SH3BGRL2: variants seen among roughly 807,000 people sequenced by gnomAD.
The protein encoded by SH3BGRL2 is SH3 domain-binding glutamic acid-rich-like protein 2.
Under a neutral mutation model 14.8 loss-of-function variants are expected in SH3BGRL2, and 21 were observed. That is an observed-to-expected ratio of 1.42 (90% CI 1.01 to 2.05). SH3BGRL2 has a LOEUF of 2.05. Ranked by LOEUF, SH3BGRL2 falls within the 30% of genes most tolerant of loss-of-function variation. The pLI is 0.00. For synonymous variants in SH3BGRL2, 50 were observed against 47.8 expected (o/e 1.05, Z -0.19); for missense variants, 147 against 130.8 (o/e 1.12, Z -0.61).
chr6:79,676,064 T>C (rs138516917), intron 2 of SH3BGRL2, among the ~76,000 whole-genome samples: 4 of 152,268 alleles, frequency 2.6e-5, no homozygotes, highest in Admixed American at 1.3e-4. Context: ...GTAGTATCTG[T>C]AGGTCTTTTC....
chr6:79,676,639 GTATATATA>G (rs370591320), intron 2 of SH3BGRL2, among the ~76,000 whole-genome samples: 33 of 137,684 alleles, frequency 2.4e-4, no homozygotes, highest in Admixed American at 3.6e-4. Context: ...GTGTGTGTGT[GTATATATA>G]TATAATCTTT....
At position 79,699,463 on chromosome 6, in the gene SH3BGRL2, C is replaced by CTTT. The variant is rs35728679; in HGVS notation, c.313-7_313-5dup. The CTTT allele has an allele frequency of 3.7e-3, 3,241 of 879,068 alleles. 33 individuals are homozygous for CTTT. Among genetic ancestry groups the CTTT allele is most frequent in the Admixed American group, 8.2e-3 (192 of 23,314 alleles). The allele number at this position is 879,068 out of a possible 1,614,324, so 54.5% of individuals were successfully genotyped here. A position where few individuals can be genotyped will look rare whatever the true frequency, so the allele number is the denominator to read the frequency against. ...CTTGTCGATGTAATGCAATAACTGA[C>CTTT]TTTTTTTTTTTTTTTTTTTTTTTTT... On this transcript the variant is annotated intron_variant, in intron 3 of 3. Coordinates refer to ENST00000369838, the MANE Select transcript of SH3BGRL2 (RefSeq NM_031469.4).
At chr6:79,577,421 G>A in the SH3BGRL2 span, among the ~76,000 whole-genome samples, 1 of 152,038 alleles carries the variant, frequency 6.6e-6, no homozygotes, top group Non-Finnish European at 1.5e-5. Flanking sequence ...TGTATATTAA[G>A]ATATATAGCC....
chr6:79,561,802 A>G, the SH3BGRL2 span, among the ~76,000 whole-genome samples: 2 of 152,142 alleles, frequency 1.3e-5, no homozygotes, highest in Non-Finnish European at 2.9e-5. Context: ...ACCTATGGAA[A>G]CTTCACTCAA....
At chr6:79,633,261 C>T (rs1016327163) in intron 1 of SH3BGRL2, among the ~76,000 whole-genome samples, 1 of 152,112 alleles carries the variant, frequency 6.6e-6, no homozygotes, top group African/African-American at 2.4e-5. Flanking sequence ...CTCATCTCTG[C>T]CTGAGTTTCT....
the SH3BGRL2 span, among the ~76,000 whole-genome samples, chr6:79,566,720 C>T: frequency 1.5e-4 from 23 of 151,682 alleles, no homozygotes; most frequent in African/African-American, 1.5e-4. Flanking sequence ...ACTTTGGGGA[C>T]GCCTGATCAA....
chr6:79,563,013 T>C, the SH3BGRL2 span, among the ~76,000 whole-genome samples: 1 of 152,212 alleles, frequency 6.6e-6, no homozygotes, highest in Non-Finnish European at 1.5e-5. Flanking sequence ...TGGAGTGCAG[T>C]AGCGCCATCT....
chr6:79,644,885 C>T (rs1306490177), intron 1 of SH3BGRL2, among the ~76,000 whole-genome samples: 4 of 151,296 alleles, frequency 2.6e-5, no homozygotes, highest in Admixed American at 6.6e-5. Flanking sequence ...GTTGGCCGGG[C>T]GCGGTGGCTC....
At chr6:79,664,278 G>C (rs1405354793) in intron 1 of SH3BGRL2, among the ~76,000 whole-genome samples, 2 of 152,206 alleles carry the variant, frequency 1.3e-5, no homozygotes, top group Non-Finnish European at 2.9e-5. Context: ...GACTGGAGCT[G>C]TTCCTATTCA....
chr6:79,570,730 C>T, the SH3BGRL2 span, among the ~76,000 whole-genome samples: 1 of 152,210 alleles, frequency 6.6e-6, no homozygotes, highest in Non-Finnish European at 1.5e-5. Context: ...TAACCACCTC[C>T]TTGCCTGGCA....
chr6:79,660,649 C>G (rs1769525491), intron 1 of SH3BGRL2, among the ~76,000 whole-genome samples: 2 of 152,114 alleles, frequency 1.3e-5, no homozygotes, highest in African/African-American at 4.8e-5. Context: ...TGATGCTGGC[C>G]TCATAAAATG....
the SH3BGRL2 span, among the ~76,000 whole-genome samples, chr6:79,565,941 T>C: frequency 5.9e-5 from 9 of 152,226 alleles, no homozygotes; most frequent in Non-Finnish European, 1.3e-4. Context: ...TTACTGGTGC[T>C]TTTTCCTGCT....
chr6:79,625,247 T>TAC, the SH3BGRL2 span, among the ~76,000 whole-genome samples: 1,834 of 150,374 alleles, frequency 0.012, 19 homozygotes, highest in Middle Eastern at 0.024. Flanking sequence ...CATATATATA[T>TAC]ACACACACAC....
At chr6:79,684,173 ATCTT>A (rs773921255) in intron 2 of SH3BGRL2, among the ~76,000 whole-genome samples, 43 of 152,134 alleles carry the variant, frequency 2.8e-4, no homozygotes, top group Non-Finnish European at 5.0e-4. Flanking sequence ...CCCCACACTG[ATCTT>A]TCTTACCTCA....
the SH3BGRL2 span, among the ~76,000 whole-genome samples, chr6:79,600,619 T>A: frequency 6.6e-6 from 1 of 152,002 alleles, no homozygotes; most frequent in Non-Finnish European, 1.5e-5. Flanking sequence ...CAATGGACCC[T>A]CCATTCTCAA....
the SH3BGRL2 span, among the ~76,000 whole-genome samples, chr6:79,618,282 T>G: frequency 1.3e-5 from 2 of 152,214 alleles, no homozygotes; most frequent in Non-Finnish European, 2.9e-5. Flanking sequence ...CTACGTGGAT[T>G]TTTTACTTAT....
chr6:79,700,004 G>A lies in SH3BGRL2; in HGVS notation c.*495G>A, dbSNP rs1266293011. The A allele has an allele frequency of 1.3e-5, 2 of 154,138 alleles. No homozygotes were observed. Among genetic ancestry groups the A allele is most frequent in the African/African-American group, 4.8e-5 (2 of 41,506 alleles). 9.5% of individuals were successfully genotyped at this position (154,138 alleles called of 1,614,324 possible). Reference sequence around the variant, plus strand: ...GTTGAAGATTTTTGCTGCAGAATCAGTTACAAACATCACAGTTCCCATGCT... The same window carrying A: ...GTTGAAGATTTTTGCTGCAGAATCAATTACAAACATCACAGTTCCCATGCT... On this transcript the variant is annotated 3_prime_UTR_variant, in exon 4 of 4. Transcript: ENST00000369838.
the SH3BGRL2 span, among the ~76,000 whole-genome samples, chr6:79,537,756 T>TAA: frequency 1.3e-5 from 2 of 152,236 alleles, no homozygotes; most frequent in African/African-American, 4.8e-5. Flanking sequence ...CTGCGTAATG[T>TAA]AAAACACTTA....
chr6:79,623,079 G>A, the SH3BGRL2 span, among the ~76,000 whole-genome samples: 2 of 152,138 alleles, frequency 1.3e-5, no homozygotes, highest in East Asian at 3.9e-4. Context: ...GCTGAGGTGG[G>A]CAGATCACTT....
Sources: gnomAD v4.1 joint callset for allele counts (sites outside exome capture counted in the v4.1 genomes callset) on GRCh38, gnomAD v4.1.1 for gene constraint, MANE v1.5 for transcripts, NCBI Gene and HGNC (gene_info 2026-07-23, HGNC 2026-07-21) for gene names.